FOXA3: variants seen among roughly 807,000 people sequenced by gnomAD.
FOXA3 encodes the protein forkhead box A3.
In FOXA3, 11 loss-of-function variants were observed where a neutral mutation model predicts 16.9. That is an observed-to-expected ratio of 0.65 (90% CI 0.41 to 1.08). The LOEUF (loss-of-function observed/expected upper bound fraction) is 1.08. Ranked by LOEUF, FOXA3 falls within the 50% of genes least tolerant of loss-of-function variation. The pLI is 0.00. For synonymous variants in FOXA3, 217 were observed against 203.3 expected, an observed-to-expected ratio of 1.07 and a Z score of -0.57; for missense variants, 423 against 470.1, an observed-to-expected ratio of 0.90 and a Z score of 0.93.
At chr19:45,866,043 CAGG>C (rs1972081978) in intron 1 of FOXA3, among the ~76,000 whole-genome samples, 1 of 151,914 alleles carries the variant, frequency 6.6e-6, no homozygotes, top group Non-Finnish European at 1.5e-5. Flanking sequence ...GGGGTCTAGG[CAGG>C]AGGAGTTGAT....
intron 1 of FOXA3, among the ~76,000 whole-genome samples, chr19:45,867,414 G>GAGATAGATAGAT (rs10682335): frequency 0.016 from 2,266 of 143,588 alleles, 23 homozygotes; most frequent in South Asian, 0.018. Context: ...TGAAGGGAGG[G>GAGATAGATAGAT]AGATAGATAG....
At chr19:45,867,307 C>T (rs1004735891) in intron 1 of FOXA3, among the ~76,000 whole-genome samples, 9 of 151,844 alleles carry the variant, frequency 5.9e-5, no homozygotes, top group Non-Finnish European at 1.2e-4. Context: ...GGAGGGGACC[C>T]GAAGCCACCA....
intron 1 of FOXA3, among the ~76,000 whole-genome samples, chr19:45,868,788 A>G (rs1028265897): frequency 2.0e-5 from 3 of 151,906 alleles, no homozygotes; most frequent in African/African-American, 7.2e-5. Flanking sequence ...AGAAGGGATA[A>G]GTAGATACAA....
chr19:45,867,329 A>T (rs1972092940), intron 1 of FOXA3, among the ~76,000 whole-genome samples: 1 of 151,754 alleles, frequency 6.6e-6, no homozygotes, highest in South Asian at 2.1e-4. Flanking sequence ...CCAGCGGGAG[A>T]GCCTGCATGG....
Position 45,872,213 on chromosome 19 carries a change from C to A in FOXA3, c.208C>A (p.Pro70Thr), listed in dbSNP as rs554585537. ...LPSGPLAPPAPAAPLGPTFPG... is the reference protein window; with the variant it reads ...LPSGPLAPPATAAPLGPTFPG... ...CTCAGGACCCCTGGCACCCCCAGCA[C>A]CTGCAGCCCCCCTGGGGCCCACTTT... Residue 70 changes from proline to threonine, a missense_variant, in exon 2 of 2, where the codon CCT becomes ACT. Pro to Thr is a conservative substitution (Grantham distance 38). This residue lies in a region of FOXA3 where 170 missense variants were observed against 153.9 expected (regional missense o/e 1.10). Transcript: ENST00000302177. The surrounding 1 kb of genome is among the most constrained non-coding windows in gnomAD (Gnocchi z 4.5). The A allele has an allele frequency of 6.2e-7, 1 of 1,601,474 alleles. No individual in the cohort carries two copies. The highest frequency in any genetic ancestry group is 1.3e-5 in the African/African-American group (1 of 74,726).
At chr19:45,865,322 A>T (rs909259940) in intron 1 of FOXA3, among the ~76,000 whole-genome samples, 1 of 152,044 alleles carries the variant, frequency 6.6e-6, no homozygotes, top group Non-Finnish European at 1.5e-5. Context: ...TATTGCTAAA[A>T]TTCCCATCCA....
At position 45,873,427 on chromosome 19, in the gene FOXA3, G is replaced by A; in HGVS notation, c.*369G>A. The A allele has an allele frequency of 3.3e-6, 1 of 305,958 alleles. No homozygotes were observed. Among genetic ancestry groups the A allele is most frequent in the South Asian group, 3.6e-5 (1 of 27,938 alleles). 19.0% of individuals were successfully genotyped at this position (305,958 alleles called of 1,614,324 possible). A position where few individuals can be genotyped will look rare whatever the true frequency, so the allele number is the denominator to read the frequency against. On this transcript the variant is annotated 3_prime_UTR_variant, in exon 2 of 2. Coordinates refer to ENST00000302177, the MANE Select transcript of FOXA3 (RefSeq NM_004497.3). ...TAGGTGCTGTGCCCACTTCTTTTTT[G>A]GTGTACTTGGCACAGTAGGTGCCAA... is the stretch of plus-strand genomic sequence containing the variant.
At position 45,872,973 on chromosome 19, in the gene FOXA3, G is replaced by A. The variant is rs539329718; in HGVS notation, c.968G>A (p.Gly323Glu). The change falls in exon 2 of 2, where the codon GGG becomes GAG. Residue 323 changes from glycine to glutamate, a missense_variant. By Grantham distance (98) the Gly-to-Glu change is moderately conservative. Transcript: ENST00000302177. This position sits in a 1 kb window ranked among gnomAD's most constrained non-coding sequence, Gnocchi z 4.5. ...QTPAPPKLDV[G>E]FGGYGAEGGE... ...CCAGCACCTCCCAAACTGGACGTGG[G>A]GTTTGGGGGCTACGGGGCTGAAGGT... 57 of 1,613,960 alleles carry A rather than the reference G, an allele frequency of 3.5e-5. No individual in the cohort carries two copies. The South Asian group carries it at 5.3e-4, about 15-fold the overall frequency.
chr19:45,871,183 T>C (rs1430786142), intron 1 of FOXA3, among the ~76,000 whole-genome samples: 1 of 152,206 alleles, frequency 6.6e-6, no homozygotes, highest in Non-Finnish European at 1.5e-5. Flanking sequence ...TGAGAAATAT[T>C]ACAAACATGT....
chr19:45,872,849 T>C lies in FOXA3; in HGVS notation c.844T>C (p.Tyr282His), dbSNP rs753217438. Residue 282 changes from tyrosine to histidine, a missense_variant, in exon 2 of 2, where the codon TAT becomes CAT. Tyr to His is a moderately conservative substitution (Grantham distance 83). Transcript: ENST00000302177. The surrounding 1 kb of genome is among the most constrained non-coding windows in gnomAD (Gnocchi z 4.5). ...DCGSPASSTP[Y>H]FTGLELPGEL... ...TGGCTCACCCGCTTCCTCCACACCC[T>C]ATTTCACTGGCCTGGAGCTCCCAGG... 12 of 1,613,768 alleles carry C rather than the reference T, an allele frequency of 7.4e-6. No homozygotes were observed. Among genetic ancestry groups the C allele is most frequent in the Non-Finnish European group, 1.0e-5 (12 of 1,180,014 alleles).
At chr19:45,868,826 A>G (rs914271193) in intron 1 of FOXA3, among the ~76,000 whole-genome samples, 1 of 152,128 alleles carries the variant, frequency 6.6e-6, no homozygotes, top group South Asian at 2.1e-4. Flanking sequence ...CAGCATGCCT[A>G]TGTTTTCCTG....
At chr19:45,868,510 G>A (rs1307389244) in intron 1 of FOXA3, among the ~76,000 whole-genome samples, 1 of 151,234 alleles carries the variant, frequency 6.6e-6, no homozygotes, top group Non-Finnish European at 1.5e-5. Context: ...AACCTGGGAG[G>A]CAGAAGTTGC....
chr19:45,872,093 C>T lies in FOXA3; in HGVS notation c.88C>T (p.Pro30Ser). The T allele has an allele frequency of 6.2e-7, 1 of 1,609,694 alleles. No individual in the cohort carries two copies. Among genetic ancestry groups the T allele is most frequent in the Non-Finnish European group, 8.5e-7 (1 of 1,177,622 alleles). The part of the protein sequence containing the change: ...EAGEVYSPVT[P>S]VPTMAPLNSY... ...CCCCTAGGTCTACTCGCCGGTGACCCCAGTGCCCACCATGGCCCCCCTCAA... is the reference window on the plus strand; with the variant it reads ...CCCCTAGGTCTACTCGCCGGTGACCTCAGTGCCCACCATGGCCCCCCTCAA... The change falls in exon 2 of 2, where the codon CCA becomes TCA. Residue 30 changes from proline (P) to serine (S), a missense_variant. By Grantham distance (74) the Pro-to-Ser change is moderately conservative. Transcript: ENST00000302177. This position sits in a 1 kb window ranked among gnomAD's most constrained non-coding sequence, Gnocchi z 4.5.
chr19:45,867,414 GAGATAGATAGATAGATAGAT>G (rs10682335), intron 1 of FOXA3, among the ~76,000 whole-genome samples: 1 of 143,506 alleles, frequency 7.0e-6, no homozygotes, highest in Admixed American at 7.0e-5. Context: ...TGAAGGGAGG[GAGATAGATAGATAGATAGAT>G]AGATAGATAG....
chr19:45,873,137 C>G lies in FOXA3; in HGVS notation c.*79C>G. 1 of 1,546,138 alleles carries G rather than the reference C, an allele frequency of 6.5e-7. No homozygotes were observed. Among genetic ancestry groups the G allele is most frequent in the Non-Finnish European group, 8.7e-7 (1 of 1,144,386 alleles). On this transcript the variant is annotated 3_prime_UTR_variant, in exon 2 of 2. Coordinates refer to ENST00000302177, the MANE Select transcript of FOXA3 (RefSeq NM_004497.3). ...TTGGGGCCTGATCCTTCTGGTGACA[C>G]TTCACTTGTCCCATTGGTTAACATC... is the stretch of plus-strand genomic sequence containing the variant.
intron 1 of FOXA3, among the ~76,000 whole-genome samples, chr19:45,864,914 G>A (rs546020229): frequency 6.6e-6 from 1 of 152,184 alleles, no homozygotes; most frequent in Non-Finnish European, 1.5e-5. Context: ...GTTCAAAGTT[G>A]GAGGGAAAGA....
At chr19:45,865,637 G>A (rs530713424) in intron 1 of FOXA3, among the ~76,000 whole-genome samples, 2 of 152,206 alleles carry the variant, frequency 1.3e-5, no homozygotes, top group African/African-American at 2.4e-5. Context: ...AAGATCTGGT[G>A]ACTGCGGGGG....
rs531001040 is a variant in FOXA3, at chr19:45,872,701, C to T, written c.696C>T (p.Asn232=). Residue 232 remains asparagine, a synonymous_variant, in exon 2 of 2, where the codon AAC becomes AAT. Coordinates refer to ENST00000302177, the MANE Select transcript of FOXA3 (RefSeq NM_004497.3). The surrounding 1 kb of genome is among the most constrained non-coding windows in gnomAD (Gnocchi z 4.5). ...GGSGAATTTR[N]GTGSAASTTT... is the part of the protein sequence containing the mutation. ...GCGGGGCTGCCACCACCACCAGGAA[C>T]GGGACAGGGTCTGCTGCCTCGACCA... 2.5e-5 allele frequency: 40 copies of T among 1,608,736 alleles called. No homozygotes were observed. The African/African-American group carries it at 2.5e-4, about 10-fold the overall frequency.
In FOXA3 at chr19:45,872,260, T is replaced by TGGC; in HGVS notation, c.256_258dup (p.Gly86dup). On this transcript the variant is annotated inframe_insertion, in exon 2 of 2. Coordinates refer to ENST00000302177, the MANE Select transcript of FOXA3 (RefSeq NM_004497.3). This position sits in a 1 kb window ranked among gnomAD's most constrained non-coding sequence, Gnocchi z 4.5. ...CTTTCCCAGGCCTGGGTGTCAGCGG[T>TGGC]GGCAGCAGCAGCTCCGGGTACGGGG... 6 of 1,610,388 alleles carry TGGC rather than the reference T, an allele frequency of 3.7e-6. No individual in the cohort carries two copies. Among genetic ancestry groups the TGGC allele is most frequent in the Non-Finnish European group, 4.2e-6 (5 of 1,177,174 alleles).
Sources: allele counts gnomAD v4.1 joint callset (sites outside exome capture counted in the v4.1 genomes callset), GRCh38; gene constraint gnomAD v4.1.1; regional missense constraint gnomAD v4.1.1; non-coding constraint Gnocchi (gnomAD v3.1); transcripts MANE v1.5; gene names NCBI Gene and HGNC (gene_info 2026-07-23, HGNC 2026-07-21).